The following JPH3 variants were observed in gnomAD, a reference collection of about 807,000 sequenced individuals.
JPH3 encodes junctophilin-3.
Under a neutral mutation model 59.6 loss-of-function variants are expected in JPH3, and 11 were observed. That is an observed-to-expected ratio of 0.18 (90% CI 0.12 to 0.31). The LOEUF is 0.31. Ranked by LOEUF, JPH3 falls within the 10% of genes least tolerant of loss-of-function variation. The probability of loss-of-function intolerance (pLI) is 1.00; values close to 1 mark genes in which losing one functional copy is unlikely to be tolerated. For missense variants in JPH3, 1,202 were observed against 1,105.7 expected (o/e 1.09, Z -1.24); for synonymous variants, 673 against 483.6 (o/e 1.39, Z -5.14).
intron 2 of JPH3, among the ~76,000 whole-genome samples, chr16:87,658,541 TTCTC>T (rs200604721): frequency 6.6e-6 from 1 of 151,878 alleles, no homozygotes; most frequent in Non-Finnish European, 1.5e-5. Context: ...TTGTTCCCCC[TTCTC>T]TCTCTCTCCC....
In JPH3 at chr16:87,602,700, C is replaced by T. The variant is rs889167233; in HGVS notation, c.-447C>T. ...CGGGCCCCGCCGCCGCCCTCGGGCG[C>T]CCGCAGCGCGGCAGCCGCAGGTGGG... On this transcript the variant is annotated 5_prime_UTR_variant, in exon 1 of 5. Transcript: ENST00000284262. 1.4e-5 allele frequency among the ~76,000 whole-genome samples: 2 copies of T among 139,896 alleles called. No homozygotes were observed. The highest frequency in any genetic ancestry group is 2.6e-5 in the African/African-American group (1 of 39,158). The allele number at this position is 139,896 out of a possible 152,430, so 91.8% of individuals were successfully genotyped here. A position where few individuals can be genotyped will look rare whatever the true frequency, so the allele number is the denominator to read the frequency against.
chr16:87,633,404 A>G (rs569980148), intron 1 of JPH3, among the ~76,000 whole-genome samples: 3 of 151,836 alleles, frequency 2.0e-5, no homozygotes, highest in African/African-American at 7.3e-5. Flanking sequence ...ACTGCAGCAT[A>G]TGCATTTTGG....
chr16:87,617,941 T>C (rs1181610157), intron 1 of JPH3, among the ~76,000 whole-genome samples: 1 of 151,850 alleles, frequency 6.6e-6, no homozygotes, highest in African/African-American at 2.4e-5. Context: ...GGTGGGCGGA[T>C]CACTTGAGTT....
At chr16:87,620,559 G>C (rs974525482) in intron 1 of JPH3, among the ~76,000 whole-genome samples, 1 of 145,776 alleles carries the variant, frequency 6.9e-6, no homozygotes, top group Non-Finnish European at 1.5e-5. Context: ...GGGCTGCAGA[G>C]GGGGAACGTC....
chr16:87,634,502 C>T lies in JPH3; in HGVS notation c.383-9756C>T, dbSNP rs188481973. On this transcript the variant is annotated intron_variant, in intron 1 of 4. Transcript: ENST00000284262. ...TGGTGCCTGTTTCTTCCTTTCTCTG[C>T]GGGTTGGCTTCTCTGCGTCCCTGCC... Among the ~76,000 whole-genome samples the T allele has an allele frequency of 1.6e-3, 246 of 152,310 alleles. 5 individuals are homozygous for T. The East Asian group carries it at 0.029, about 18-fold the overall frequency.
chr16:87,632,909 T>A (rs549266067), intron 1 of JPH3, among the ~76,000 whole-genome samples: 160 of 148,522 alleles, frequency 1.1e-3, no homozygotes, highest in African/African-American at 3.6e-3. Context: ...AAAAAAAAAA[T>A]TTTGGTAGAG....
At chr16:87,648,321 C>G (rs532414361) in intron 2 of JPH3, among the ~76,000 whole-genome samples, 146 of 152,296 alleles carry the variant, frequency 9.6e-4, no homozygotes, top group Middle Eastern at 3.4e-3. Context: ...CTCAGGCGCC[C>G]ACAGCCCCAG....
chr16:87,641,079 G>A (rs911726445), intron 1 of JPH3, among the ~76,000 whole-genome samples: 3 of 152,174 alleles, frequency 2.0e-5, no homozygotes, highest in African/African-American at 4.8e-5. Flanking sequence ...GGGTGGTTCC[G>A]AGTCAGCTGC....
chr16:87,627,186 C>T (rs2031409403), intron 1 of JPH3, among the ~76,000 whole-genome samples: 2 of 152,122 alleles, frequency 1.3e-5, no homozygotes, highest in African/African-American at 4.8e-5. Flanking sequence ...AGAGCCGTGG[C>T]TCAGCTTGAG....
chr16:87,621,685 C>A (rs2031191938), intron 1 of JPH3, among the ~76,000 whole-genome samples: 8 of 152,220 alleles, frequency 5.3e-5, no homozygotes, highest in Admixed American at 5.2e-4. Context: ...TTATTCCTCC[C>A]TGCAATGAGG....
chr16:87,629,757 G>A (rs998754437), intron 1 of JPH3, among the ~76,000 whole-genome samples: 4 of 152,176 alleles, frequency 2.6e-5, no homozygotes, highest in Non-Finnish European at 5.9e-5. Context: ...ATACTCTAAT[G>A]GCGAGTATAT....
chr16:87,678,996 C>T (rs75482827), intron 2 of JPH3, among the ~76,000 whole-genome samples: 12,099 of 152,248 alleles, frequency 0.079, 562 homozygotes, highest in South Asian at 0.15. Context: ...TTAAGTCCAC[C>T]TAGTTAGTGG....
chr16:87,694,296 G>C (rs182328665), intron 4 of JPH3: 1 of 152,296 alleles, frequency 6.6e-6, no homozygotes, highest in Non-Finnish European at 1.5e-5. Flanking sequence ...AGGCACCCAG[G>C]GAAGACCAGC....
At chr16:87,638,605 C>T (rs1018485571) in intron 1 of JPH3, among the ~76,000 whole-genome samples, 13 of 152,000 alleles carry the variant, frequency 8.6e-5, no homozygotes, top group African/African-American at 3.1e-4. Flanking sequence ...GGTGGGTCGG[C>T]TTGGTTCATG....
rs570545509 is a variant in JPH3, at chr16:87,696,874, A to G, written c.*214A>G. ...TTTAGCCAAAATTCTTTGCTTGTAT[A>G]ACACTCTGCTGTGTGGCATGGCAGA... On this transcript the variant is annotated 3_prime_UTR_variant, in exon 5 of 5. Transcript: ENST00000284262. The G allele has an allele frequency of 8.6e-5, 48 of 558,864 alleles. No individual in the cohort carries two copies. The African/African-American group carries it at 8.7e-4, about 10-fold the overall frequency. The allele number at this position is 558,864 out of a possible 1,614,324, so 34.6% of individuals were successfully genotyped here. A position where few individuals can be genotyped will look rare whatever the true frequency, so the allele number is the denominator to read the frequency against.
intron 2 of JPH3, among the ~76,000 whole-genome samples, chr16:87,659,405 T>TAAAAAAAAAAAAAAAAAAA (rs2032629345): frequency 9.9e-6 from 1 of 100,930 alleles, no homozygotes; most frequent in Admixed American, 1.0e-4. Flanking sequence ...AAAAGAAAAC[T>TAAAAAAAAAAAAAAAAAAA]ACACACACAT....
Position 87,658,271 on chromosome 16 carries a change from G to A in JPH3, c.1160+13236G>A, listed in dbSNP as rs944044229. Among the ~76,000 whole-genome samples, 9 of 152,150 alleles carry A rather than the reference G, an allele frequency of 5.9e-5. No individual in the cohort carries two copies. The East Asian group carries it at 1.2e-3, about 20-fold the overall frequency. On this transcript the variant is annotated intron_variant, in intron 2 of 4. Coordinates refer to ENST00000284262, the MANE Select transcript of JPH3 (RefSeq NM_020655.4). ...ATTTGCACCCCAGCTCAGGCGTCCC[G>A]GCAGGGATTCTGCATTGTCTGCCTT...
chr16:87,631,052 C>G (rs1194014799), intron 1 of JPH3, among the ~76,000 whole-genome samples: 1 of 152,078 alleles, frequency 6.6e-6, no homozygotes, highest in African/African-American at 2.4e-5. Flanking sequence ...ATCACTGGTT[C>G]TTTTTTCACC....
intron 2 of JPH3, among the ~76,000 whole-genome samples, chr16:87,646,538 C>T (rs1388715835): frequency 6.6e-6 from 1 of 152,222 alleles, no homozygotes; most frequent in Admixed American, 6.5e-5. Flanking sequence ...ACTTGTTCCA[C>T]AGGAAAATAA....
Sources: allele counts gnomAD v4.1 joint callset (sites outside exome capture counted in the v4.1 genomes callset), GRCh38; gene constraint gnomAD v4.1.1; transcripts MANE v1.5; gene names NCBI Gene and HGNC (gene_info 2026-07-23, HGNC 2026-07-21).